Variants in LRPPRC observed in about 807,000 individuals in gnomAD.
LRPPRC encodes the protein leucine rich pentatricopeptide repeat containing.
LRPPRC carries 120 observed loss-of-function variants against 180.3 expected under a neutral mutation model. The observed-to-expected ratio is 0.67, with a 90% CI of 0.57 to 0.77. The LOEUF (loss-of-function observed/expected upper bound fraction) is 0.77, where lower values mean the gene tolerates loss of function less well. Ranked by LOEUF, LRPPRC falls within the 30% of genes least tolerant of loss-of-function variation. LRPPRC has a pLI of 0.00. For missense variants in LRPPRC, 2,012 were observed against 1,657.2 expected, an observed-to-expected ratio of 1.21 and a Z score of -3.72; for synonymous variants, 723 against 600.0, an observed-to-expected ratio of 1.21 and a Z score of -3.00.
intron 34 of LRPPRC, 49 bp from the exon 35 acceptor site, chr2:43,896,757 T>C (rs769004266): frequency 3.9e-6 from 4 of 1,034,710 alleles, no homozygotes; most frequent in Non-Finnish European, 6.1e-6. Context: ...GATAAACAAG[T>C]GGATCAAACT....
intron 14 of LRPPRC, among the ~76,000 whole-genome samples, chr2:43,955,721 G>C (rs1673085876): frequency 6.6e-6 from 1 of 152,026 alleles, no homozygotes; most frequent in African/African-American, 2.4e-5. Context: ...CTTGGGGACA[G>C]AGCGAGACCC....
At chr2:43,989,250 A>G (rs2103771687) in intron 1 of LRPPRC, among the ~76,000 whole-genome samples, 1 of 152,324 alleles carries the variant, frequency 6.6e-6, no homozygotes, top group Middle Eastern at 3.4e-3. Context: ...TAGCTGCCCC[A>G]GTTTTATGCT....
At chr2:43,982,504 A>C in intron 1 of LRPPRC, 70 bp from the exon 2 acceptor site, 1 of 1,184,402 alleles carries the variant, frequency 8.4e-7, no homozygotes, top group Admixed American at 1.9e-5. Context: ...ACAAAACTTA[A>C]ACAAATTTTA....
intron 29 of LRPPRC, among the ~76,000 whole-genome samples, chr2:43,913,503 G>A (rs1671336853): frequency 6.6e-6 from 1 of 152,148 alleles, no homozygotes; most frequent in African/African-American, 2.4e-5. Flanking sequence ...TTCTGAACAG[G>A]CGAAAATTGT....
Position 43,973,623 on chromosome 2 carries a change from C to T in LRPPRC, c.1353G>A (p.Lys451=). ...YFWPLLVGRR[K]EKNVQGIIEI... ...AAATCTAACCTTGAACATTTTTTTCCTTCCGACGTCCAACTAGCAATGGCC... is the reference window on the plus strand; with the variant it reads ...AAATCTAACCTTGAACATTTTTTTCTTTCCGACGTCCAACTAGCAATGGCC... The change falls in exon 11 of 38, where the codon AAG becomes AAA. Residue 451 remains lysine, a synonymous_variant. Coordinates refer to ENST00000260665, the MANE Select transcript of LRPPRC (RefSeq NM_133259.4). The T allele has an allele frequency of 6.2e-7, 1 of 1,613,098 alleles. No homozygotes were observed. The highest frequency in any genetic ancestry group is 8.5e-7 in the Non-Finnish European group (1 of 1,179,144).
At chr2:43,981,030 G>C (rs749760452) in intron 2 of LRPPRC, among the ~76,000 whole-genome samples, 1 of 152,146 alleles carries the variant, frequency 6.6e-6, no homozygotes, top group African/African-American at 2.4e-5. Flanking sequence ...ACTTCTGAGT[G>C]TGTCTGAAAC....
At chr2:43,889,596 T>C in intron 37 of LRPPRC, 138 bp downstream of exon 37, 2 of 780,864 alleles carry the variant, frequency 2.6e-6, no homozygotes, top group Admixed American at 2.0e-5. Context: ...GCTCAGTCCC[T>C]CAAGCCATCC....
intron 1 of LRPPRC, among the ~76,000 whole-genome samples, chr2:43,984,044 G>T (rs994916402): frequency 6.6e-6 from 1 of 151,948 alleles, no homozygotes; most frequent in African/African-American, 2.4e-5. Context: ...CAAACGAGCT[G>T]AATTAAGCTA....
chr2:43,949,296 C>A (rs974448597), intron 16 of LRPPRC, among the ~76,000 whole-genome samples: 2 of 152,110 alleles, frequency 1.3e-5, no homozygotes, highest in East Asian at 1.9e-4. Context: ...ACCTGCAAAA[C>A]ATTAAAAGCA....
intron 2 of LRPPRC, among the ~76,000 whole-genome samples, chr2:43,981,312 A>G (rs901161414): frequency 6.7e-6 from 1 of 149,668 alleles, no homozygotes; most frequent in African/African-American, 2.6e-5. Flanking sequence ...TTACTACTAA[A>G]AGTGACTCCA....
chr2:43,913,825 A>G (rs1301997948), intron 29 of LRPPRC, among the ~76,000 whole-genome samples: 1 of 152,194 alleles, frequency 6.6e-6, no homozygotes, highest in Non-Finnish European at 1.5e-5. Flanking sequence ...CGGAAAATAA[A>G]AACACGCTAA....
rs1179284411 is a variant in LRPPRC, at chr2:43,986,576, T to C, written c.150-4142A>G. Among the ~76,000 whole-genome samples the C allele has an allele frequency of 2.6e-5, 4 of 152,222 alleles. No individual in the cohort carries two copies. In the East Asian group the frequency reaches 7.7e-4, roughly 29 times the overall value. ...AGGCATTATTAATAGCTAATGTTTA[T>C]CAGGTGTTTAATTTGTGCTGGGTAT... On this transcript the variant is annotated intron_variant, in intron 1 of 37. Transcript: ENST00000260665.
chr2:43,966,284 G>A (rs1324262467), intron 11 of LRPPRC, among the ~76,000 whole-genome samples: 2 of 152,056 alleles, frequency 1.3e-5, no homozygotes, highest in African/African-American at 4.8e-5. Flanking sequence ...ATGGGACTGG[G>A]GTGTGAGTGA....
chr2:43,909,875 C>T (rs1671197054), intron 30 of LRPPRC, among the ~76,000 whole-genome samples: 1 of 152,046 alleles, frequency 6.6e-6, no homozygotes, highest in Non-Finnish European at 1.5e-5. Context: ...GGCAAATAGA[C>T]GGTCATGCTT....
intron 29 of LRPPRC, among the ~76,000 whole-genome samples, chr2:43,914,516 T>G (rs372335991): frequency 3.2e-4 from 49 of 151,458 alleles, no homozygotes; most frequent in African/African-American, 1.1e-3. Context: ...TCACTTGAGG[T>G]TGGGAGTTCG....
intron 36 of LRPPRC, among the ~76,000 whole-genome samples, chr2:43,891,353 A>T (rs1670485872): frequency 6.6e-6 from 1 of 152,224 alleles, no homozygotes; most frequent in Non-Finnish European, 1.5e-5. Flanking sequence ...TGCACTTTAC[A>T]GATGTTGCGT....
At chr2:43,930,024 G>A (rs1404472357) in intron 25 of LRPPRC, among the ~76,000 whole-genome samples, 5 of 152,020 alleles carry the variant, frequency 3.3e-5, no homozygotes, top group African/African-American at 1.2e-4. Context: ...TACGATCCAC[G>A]CTGGCTTATT....
Position 43,896,679 on chromosome 2 carries a change from C to G in LRPPRC, c.3855G>C (p.Pro1285=), listed in dbSNP as rs571550652. Residue 1285 remains proline, a synonymous_variant, in exon 35 of 38, where the codon CCG becomes CCC. Transcript: ENST00000260665. ...TCCTAAGGAGGAACAACAACAAAAT[C>G]GGGGTTTGTTCAGCAATTGCACCAC... is the stretch of plus-strand genomic sequence containing the variant. ...QRCGAIAEQT[P]ILLLFLLRNS... 5.0e-5 allele frequency: 81 copies of G among 1,612,536 alleles called. No homozygotes were observed. Among genetic ancestry groups the G allele is most frequent in the Admixed American group, 8.3e-5 (5 of 59,992 alleles).
intron 25 of LRPPRC, 86 bp downstream of exon 25, chr2:43,934,104 T>A (rs924253367): frequency 2.6e-6 from 2 of 763,166 alleles, no homozygotes; most frequent in Non-Finnish European, 4.6e-6. Context: ...TCAGAACAAG[T>A]GTAATTAAAG....
Sources: gnomAD v4.1 joint callset for allele counts (sites outside exome capture counted in the v4.1 genomes callset) on GRCh38, gnomAD v4.1.1 for gene constraint, MANE v1.5 for transcripts, NCBI Gene and HGNC (gene_info 2026-07-23, HGNC 2026-07-21) for gene names.